Variants in KLHL1 observed in about 807,000 individuals in gnomAD.
KLHL1 encodes kelch-like protein 1.
In KLHL1, 47 loss-of-function variants were observed where a neutral mutation model predicts 77.7. The observed-to-expected ratio is 0.60, with a 90% CI of 0.48 to 0.77. KLHL1 has a LOEUF of 0.77. Among genes scored for constraint, KLHL1 ranks in the 30% least tolerant of loss-of-function variants. The probability of loss-of-function intolerance (pLI) is 0.00; values close to 1 mark genes in which losing one functional copy is unlikely to be tolerated. For missense variants in KLHL1, 925 were observed against 910.8 expected, an observed-to-expected ratio of 1.02 and a Z score of -0.20; for synonymous variants, 360 against 325.2, an observed-to-expected ratio of 1.11 and a Z score of -1.15.
At chr13:69,773,039 C>T (rs9564607) in intron 7 of KLHL1, among the ~76,000 whole-genome samples, 31,630 of 151,380 alleles carry the variant, frequency 0.21, 3,667 homozygotes, top group South Asian at 0.31. Flanking sequence ...GACCATTACA[C>T]AGGCAGAAAA....
intron 4 of KLHL1, among the ~76,000 whole-genome samples, chr13:69,923,321 G>T (rs1448469768): frequency 6.6e-6 from 1 of 152,166 alleles, no homozygotes; most frequent in Non-Finnish European, 1.5e-5. Context: ...AAGTAATTTT[G>T]TAGCTTGGTG....
intron 7 of KLHL1, among the ~76,000 whole-genome samples, chr13:69,751,157 T>A (rs924927099): frequency 6.6e-6 from 1 of 150,716 alleles, no homozygotes; most frequent in Non-Finnish European, 1.5e-5. Flanking sequence ...TGTATCTGTG[T>A]TGGGAGCATG....
intron 5 of KLHL1, among the ~76,000 whole-genome samples, chr13:69,839,997 A>G (rs1879178942): frequency 6.6e-6 from 1 of 152,006 alleles, no homozygotes; most frequent in Non-Finnish European, 1.5e-5. Flanking sequence ...TAGATTTAGA[A>G]AATAAATAAG....
chr13:70,009,806 A>G (rs1885488063), intron 1 of KLHL1, among the ~76,000 whole-genome samples: 1 of 152,192 alleles, frequency 6.6e-6, no homozygotes, highest in Non-Finnish European at 1.5e-5. Context: ...ATTTGGATCC[A>G]TAGTAATAAA....
rs1257274480 is a variant in KLHL1 at position 69,796,853 on chromosome 13, G to C, written c.1524C>G (p.Leu508=). 3.7e-6 allele frequency: 6 copies of C among 1,614,050 alleles called. No homozygotes were observed. The South Asian group carries it at 6.6e-5, about 18-fold the overall frequency. Residue 508 remains leucine, a synonymous_variant, in exon 7 of 11, where the codon CTC becomes CTG. Transcript: ENST00000377844. ...QFGVAVIDDK[L]FVIGGRDGLK... is the part of the protein sequence containing the mutation. ...AGCCATCTCGACCTCCAATTACAAA[G>C]AGTTTGTCATCAATAACAGCCACAC...
chr13:69,947,820 G>A (rs1848180280), intron 3 of KLHL1, among the ~76,000 whole-genome samples: 1 of 152,002 alleles, frequency 6.6e-6, no homozygotes, highest in Non-Finnish European at 1.5e-5. Context: ...AGACCTAGAT[G>A]TAAAAAGGCA....
Position 69,962,683 on chromosome 13 carries a change from TG to T in KLHL1, c.681-1240del, listed in dbSNP as rs537001068. ...TAATGTTGTTAATGATATTTTAGAA[TG>T]AAAAAAATTATGATATTTTCAAGTA... is the stretch of plus-strand genomic sequence containing the variant. On this transcript the variant is annotated intron_variant, in intron 2 of 10. Coordinates refer to ENST00000377844, the MANE Select transcript of KLHL1 (RefSeq NM_020866.3). Among the ~76,000 whole-genome samples, 635 of 152,068 alleles carry T rather than the reference TG, an allele frequency of 4.2e-3. 5 individuals are homozygous for T. The highest frequency in any genetic ancestry group is 0.015 in the African/African-American group (602 of 41,470).
chr13:69,818,621 A>G (rs138703453), intron 6 of KLHL1, among the ~76,000 whole-genome samples: 1,533 of 152,234 alleles, frequency 0.01, 25 homozygotes, highest in African/African-American at 0.035. Context: ...CTCCTCTACA[A>G]TATCCCTTAG....
chr13:69,734,241 TG>T (rs1190455232), intron 8 of KLHL1, among the ~76,000 whole-genome samples: 1 of 152,146 alleles, frequency 6.6e-6, no homozygotes, highest in Non-Finnish European at 1.5e-5. Context: ...ACTTTCACCA[TG>T]TGATGTGCCT....
At chr13:70,017,008 T>C (rs1385645360) in intron 1 of KLHL1, among the ~76,000 whole-genome samples, 2 of 152,148 alleles carry the variant, frequency 1.3e-5, no homozygotes, top group Non-Finnish European at 2.9e-5. Context: ...TGAACACTTA[T>C]ATGGACAACC....
At chr13:69,816,992 A>G (rs1407907601) in intron 6 of KLHL1, among the ~76,000 whole-genome samples, 1 of 151,686 alleles carries the variant, frequency 6.6e-6, no homozygotes, top group Non-Finnish European at 1.5e-5. Flanking sequence ...AAAAATAAAT[A>G]TAATAAAAAA....
chr13:70,029,993 GAGA>G (rs1886053083), intron 1 of KLHL1, among the ~76,000 whole-genome samples: 1 of 151,284 alleles, frequency 6.6e-6, no homozygotes, highest in Non-Finnish European at 1.5e-5. Flanking sequence ...AAGATCAAAA[GAGA>G]AGTCCATTAC....
chr13:69,825,095 T>C (rs890366841), intron 6 of KLHL1, among the ~76,000 whole-genome samples: 1 of 152,142 alleles, frequency 6.6e-6, no homozygotes, highest in Non-Finnish European at 1.5e-5. Context: ...TAGATGAGAA[T>C]ATGGATGTTA....
At chr13:69,740,994 A>G (rs1195621083) in intron 7 of KLHL1, among the ~76,000 whole-genome samples, 1 of 152,164 alleles carries the variant, frequency 6.6e-6, no homozygotes, top group Non-Finnish European at 1.5e-5. Flanking sequence ...GCTATTTAAA[A>G]TACTTTGTTA....
chr13:69,963,518 T>C (rs574437517), intron 2 of KLHL1, among the ~76,000 whole-genome samples: 1 of 152,250 alleles, frequency 6.6e-6, no homozygotes, highest in East Asian at 1.9e-4. Context: ...TTGCATATTC[T>C]CCTTAAAAAC....
At chr13:69,731,632 G>A (rs1422686269) in intron 8 of KLHL1, among the ~76,000 whole-genome samples, 2 of 152,280 alleles carry the variant, frequency 1.3e-5, no homozygotes, top group East Asian at 1.9e-4. Flanking sequence ...CATTACTGCA[G>A]AATAAAGCTT....
intron 1 of KLHL1, among the ~76,000 whole-genome samples, chr13:70,035,243 C>G (rs1593692233): frequency 6.6e-6 from 1 of 152,124 alleles, no homozygotes; most frequent in Non-Finnish European, 1.5e-5. Flanking sequence ...CAGTGGAGTA[C>G]TATTCAGCCA....
chr13:69,783,958 G>A (rs1876371154), intron 7 of KLHL1, among the ~76,000 whole-genome samples: 2 of 152,046 alleles, frequency 1.3e-5, no homozygotes, highest in Admixed American at 1.3e-4. Context: ...CCCACAAAGG[G>A]AAGCCCATCA....
chr13:69,882,362 A>C lies in KLHL1; in HGVS notation c.1148T>G (p.Val383Gly), dbSNP rs988473664. The change falls in exon 5 of 11, where the codon GTC becomes GGC. Residue 383 changes from valine (V) to glycine (G), a missense_variant. Coordinates refer to ENST00000377844, the MANE Select transcript of KLHL1 (RefSeq NM_020866.3). ...GCATCTACTCTGCATGTCATACTTG[A>C]CCCACATCATCAATGCATGGAAGAT... ...ETIFHALMMW[V>G]KYDMQSRCND... The C allele has an allele frequency of 6.2e-6, 10 of 1,613,942 alleles. No homozygotes were observed. Among genetic ancestry groups the C allele is most frequent in the Non-Finnish European group, 8.5e-6 (10 of 1,179,892 alleles).
Sources: gnomAD v4.1 joint callset for allele counts (sites outside exome capture counted in the v4.1 genomes callset) on GRCh38, gnomAD v4.1.1 for gene constraint, MANE v1.5 for transcripts, NCBI Gene and HGNC (gene_info 2026-07-23, HGNC 2026-07-21) for gene names.